PKHD1: variants seen among roughly 807,000 people sequenced by gnomAD.
PKHD1 encodes PKHD1 ciliary IPT domain containing fibrocystin/polyductin, also known as fibrocystin.
PKHD1 carries 291 observed loss-of-function variants against 412.0 expected under a neutral mutation model. The ratio of observed to expected loss-of-function variants is 0.71; its 90% CI spans 0.64 to 0.78. PKHD1 has a LOEUF of 0.78. Among genes scored for constraint, PKHD1 ranks in the 30% least tolerant of loss-of-function variants. The probability of loss-of-function intolerance (pLI) is 0.00; values close to 1 mark genes in which losing one functional copy is unlikely to be tolerated. For synonymous variants in PKHD1, 1,777 were observed against 1,821.5 expected (o/e 0.98, Z 0.62); for missense variants, 4,825 against 4,950.7 (o/e 0.97, Z 0.76).
In PKHD1 at chr6:52,084,909, T is replaced by A. The variant is rs1812538429; in HGVS notation, c.25A>T (p.Met9Leu). ...GCCAAAAGTAGTACTTCAATACTCA[T>A]CAGAGAGATCAGCCAGGCAGTCATT... MTAWLISL[M>L]SIEVLLLAVR... The change falls in exon 2 of 67, where the codon ATG becomes TTG. Residue 9 changes from methionine to leucine, a missense_variant. Coordinates refer to ENST00000371117, the MANE Select transcript of PKHD1 (RefSeq NM_138694.4). The A allele has an allele frequency of 6.2e-7, 1 of 1,607,210 alleles. No individual in the cohort carries two copies. The highest frequency in any genetic ancestry group is 1.7e-5 in the Admixed American group (1 of 59,988).
chr6:51,806,283 G>T (rs1390011323), intron 52 of PKHD1, among the ~76,000 whole-genome samples: 4 of 152,084 alleles, frequency 2.6e-5, no homozygotes, highest in African/African-American at 9.7e-5. Context: ...ATATTAGGGT[G>T]GTGAGAGAGG....
intron 47 of PKHD1, among the ~76,000 whole-genome samples, chr6:51,870,027 C>G (rs1775729760): frequency 6.6e-6 from 1 of 152,100 alleles, no homozygotes; most frequent in African/African-American, 2.4e-5. Context: ...CTATGTTTCC[C>G]TTTGTGCATA....
Position 51,870,567 on chromosome 6 carries a change from C to A in PKHD1, c.7423G>T (p.Val2475Phe). 1 of 1,611,036 alleles carries A rather than the reference C, an allele frequency of 6.2e-7. No individual in the cohort carries two copies. The highest frequency in any genetic ancestry group is 8.5e-7 in the Non-Finnish European group (1 of 1,177,276). The change falls in exon 47 of 67, where the codon GTT becomes TTT. Residue 2475 changes from valine (V) to phenylalanine (F), a missense_variant. Transcript: ENST00000371117. ...ACACAGTTGATGAGATCAAAATTAA[C>A]AAAGGTTGTGTTAGACACCATCAGT... The part of the protein sequence containing the change: ...WELMVSNTTF[V>F]NFDLINCVAI...
intron 52 of PKHD1, among the ~76,000 whole-genome samples, chr6:51,817,355 T>C (rs1213440547): frequency 4.6e-5 from 7 of 151,598 alleles, no homozygotes; most frequent in African/African-American, 1.7e-4. Context: ...GCTATTGTGG[T>C]GAAGATTGGA....
In PKHD1 at chr6:51,949,767, G is replaced by C. The variant is rs920845860; in HGVS notation, c.5908+10103C>G. On this transcript the variant is annotated intron_variant, in intron 36 of 66. Coordinates refer to ENST00000371117, the MANE Select transcript of PKHD1 (RefSeq NM_138694.4). ...ATGGGGGATGTGAGGCATAAATCAG[G>C]CTTTAAGGATTGGGGGCAAAGGGAA... 2.0e-5 allele frequency among the ~76,000 whole-genome samples: 3 copies of C among 152,074 alleles called. No individual in the cohort carries two copies. In the East Asian group the frequency reaches 5.8e-4, roughly 29 times the overall value.
At chr6:51,863,696 C>T (rs1774577623) in intron 48 of PKHD1, among the ~76,000 whole-genome samples, 1 of 152,086 alleles carries the variant, frequency 6.6e-6, no homozygotes, top group Non-Finnish European at 1.5e-5. Context: ...TTCTTAAATA[C>T]TAGATATTCC....
At chr6:51,886,105 C>G (rs1778175101) in intron 44 of PKHD1, 133 bp from the exon 45 acceptor site, 1 of 712,376 alleles carries the variant, frequency 1.4e-6, no homozygotes, top group Non-Finnish European at 2.5e-6. Flanking sequence ...GACCCTCCCC[C>G]TAACTGTTCT....
intron 35 of PKHD1, among the ~76,000 whole-genome samples, chr6:51,979,720 C>T (rs1213191862): frequency 6.6e-6 from 1 of 152,174 alleles, no homozygotes; most frequent in Non-Finnish European, 1.5e-5. Context: ...CTCTACCCTA[C>T]AAGTGGTCTC....
At chr6:51,773,510 T>C (rs1267587573) in intron 54 of PKHD1, among the ~76,000 whole-genome samples, 1 of 151,562 alleles carries the variant, frequency 6.6e-6, no homozygotes, top group South Asian at 2.1e-4. Context: ...TCAGCACATA[T>C]ATATTTATTT....
chr6:51,869,478 G>T (rs540961680), intron 47 of PKHD1, among the ~76,000 whole-genome samples: 1 of 152,232 alleles, frequency 6.6e-6, no homozygotes, highest in Non-Finnish European at 1.5e-5. Context: ...CTGGAGGACA[G>T]AAACTATGTG....
intron 37 of PKHD1, among the ~76,000 whole-genome samples, chr6:51,923,143 A>C (rs990307705): frequency 6.6e-6 from 1 of 152,208 alleles, no homozygotes; most frequent in African/African-American, 2.4e-5. Context: ...ATGGACATAC[A>C]TGGGTGTCAT....
At chr6:51,816,520 G>A (rs986000953) in intron 52 of PKHD1, among the ~76,000 whole-genome samples, 1 of 152,224 alleles carries the variant, frequency 6.6e-6, no homozygotes, top group Non-Finnish European at 1.5e-5. Flanking sequence ...GTTAAATGAA[G>A]TTTAGCCTGA....
chr6:51,863,371 G>A (rs1237992422), intron 48 of PKHD1, among the ~76,000 whole-genome samples: 6 of 152,170 alleles, frequency 3.9e-5, no homozygotes, highest in African/African-American at 1.4e-4. Flanking sequence ...TCAAAAATTC[G>A]AAGACAGAAT....
intron 49 of PKHD1, 105 bp from the exon 50 acceptor site, chr6:51,848,075 T>G (rs1771530510): frequency 1.3e-6 from 1 of 770,782 alleles, no homozygotes; most frequent in Non-Finnish European, 2.3e-6. Context: ...AGAACGCAGA[T>G]GGAGTAGTTT....
rs71544105 is a variant in PKHD1, at chr6:51,880,779, T to TA, written c.7350+2313dup. On this transcript the variant is annotated intron_variant, in intron 46 of 66. Transcript: ENST00000371117. ...CTTAGAGTATAATAAAAAAAAAAAT[T>TA]AAAAAAAAAAAAAAAAAAAAAAAAA... Among the ~76,000 whole-genome samples the TA allele has an allele frequency of 9.7e-3, 292 of 30,044 alleles. 57 individuals carry two copies. The highest frequency in any genetic ancestry group is 0.054 in the African/African-American group (265 of 4,934). The allele number at this position is 30,044 out of a possible 152,430, so 19.7% of individuals were successfully genotyped here.
At chr6:51,667,450 T>C (rs1351453780) in intron 60 of PKHD1, among the ~76,000 whole-genome samples, 1 of 149,314 alleles carries the variant, frequency 6.7e-6, no homozygotes, top group Non-Finnish European at 1.5e-5. Flanking sequence ...TATTAGCCCT[T>C]TGTCAGATGA....
intron 55 of PKHD1, among the ~76,000 whole-genome samples, chr6:51,768,985 A>G (rs1562269816): frequency 6.6e-6 from 1 of 151,668 alleles, no homozygotes; most frequent in Non-Finnish European, 1.5e-5. Context: ...TAATCTTCAC[A>G]TCTGGTATTA....
chr6:51,983,498 T>C lies in PKHD1; in HGVS notation c.5752-23472A>G, dbSNP rs182569115. ...ACTCCTCCTAAAACTCAAAGAAACA[T>C]CGCAACACCTTTGTAATAGGCCTAT... On this transcript the variant is annotated intron_variant, in intron 35 of 66. Transcript: ENST00000371117. Among the ~76,000 whole-genome samples, 13 of 152,148 alleles carry C rather than the reference T, an allele frequency of 8.5e-5. No homozygotes were observed. The East Asian group carries it at 2.5e-3, about 29-fold the overall frequency.
chr6:51,947,667 T>C (rs181508124), intron 36 of PKHD1, among the ~76,000 whole-genome samples: 475 of 152,256 alleles, frequency 3.1e-3, no homozygotes, highest in Middle Eastern at 0.031. Flanking sequence ...TGACACTTGG[T>C]GGGTCCCAAG....
Sources: gnomAD v4.1 joint callset for allele counts (sites outside exome capture counted in the v4.1 genomes callset) on GRCh38, gnomAD v4.1.1 for gene constraint, MANE v1.5 for transcripts, NCBI Gene and HGNC (gene_info 2026-07-23, HGNC 2026-07-21) for gene names.